Variants in NTRK2 observed in about 807,000 individuals in gnomAD.
NTRK2 encodes the protein BDNF/NT-3 growth factors receptor.
A neutral mutation model predicts 94.5 loss-of-function variants in NTRK2; 13 were observed. The observed-to-expected ratio is 0.14, with a 90% CI of 0.09 to 0.22. NTRK2 has a LOEUF of 0.22. NTRK2 is among the 10% of genes least tolerant of loss of function. NTRK2 has a pLI of 1.00. For synonymous variants in NTRK2, 372 were observed against 407.4 expected, an observed-to-expected ratio of 0.91 and a Z score of 1.05; for missense variants, 639 against 1,071.2, an observed-to-expected ratio of 0.60 and a Z score of 5.63.
At chr9:84,776,562 G>A (rs1482155850) in intron 12 of NTRK2, among the ~76,000 whole-genome samples, 1 of 152,174 alleles carries the variant, frequency 6.6e-6, no homozygotes, top group Non-Finnish European at 1.5e-5. Context: ...AAATGTCTAA[G>A]ATCTTACCCT....
chr9:84,754,254 C>T (rs1489444102), intron 12 of NTRK2, among the ~76,000 whole-genome samples: 1 of 152,102 alleles, frequency 6.6e-6, no homozygotes, highest in Non-Finnish European at 1.5e-5. Flanking sequence ...TTTGTTCCCT[C>T]ATTCCTACAC....
chr9:84,677,549 A>G (rs2059134694), intron 2 of NTRK2, among the ~76,000 whole-genome samples: 1 of 152,122 alleles, frequency 6.6e-6, no homozygotes, highest in Non-Finnish European at 1.5e-5. Flanking sequence ...CTCACTCTGA[A>G]GAAGGTGGGG....
intron 14 of NTRK2, among the ~76,000 whole-genome samples, chr9:84,897,894 C>T (rs939140226): frequency 2.0e-5 from 3 of 152,094 alleles, no homozygotes; most frequent in African/African-American, 7.2e-5. Context: ...TCTATAAAAC[C>T]AAGGGTCATT....
At chr9:84,873,372 AT>A in intron 14 of NTRK2, 1 of 1,058,882 alleles carries the variant, frequency 9.4e-7, no homozygotes, top group Non-Finnish European at 1.1e-6. Flanking sequence ...GAATGCACTT[AT>A]TTTAGGATCC....
At chr9:84,954,282 T>C (rs186517072) in intron 16 of NTRK2, among the ~76,000 whole-genome samples, 1 of 152,266 alleles carries the variant, frequency 6.6e-6, no homozygotes, top group East Asian at 1.9e-4. Flanking sequence ...CCAGGGGCAA[T>C]GACGCTCATC....
intron 12 of NTRK2, among the ~76,000 whole-genome samples, chr9:84,774,932 G>C (rs1337981710): frequency 6.6e-6 from 1 of 152,202 alleles, no homozygotes; most frequent in Non-Finnish European, 1.5e-5. Context: ...AAAGACAGTG[G>C]TGGAAGGAAA....
At chr9:84,974,386 G>A (rs1826550448) in intron 17 of NTRK2, among the ~76,000 whole-genome samples, 1 of 152,076 alleles carries the variant, frequency 6.6e-6, no homozygotes, top group African/African-American at 2.4e-5. Flanking sequence ...TGTGCTACTT[G>A]GTGGTGTGCA....
intron 15 of NTRK2, among the ~76,000 whole-genome samples, chr9:84,945,647 T>A (rs1045705662): frequency 6.6e-6 from 1 of 152,180 alleles, no homozygotes; most frequent in African/African-American, 2.4e-5. Flanking sequence ...TAAATCTGGG[T>A]GGCACAGGGG....
At chr9:84,691,522 T>C (rs2131550521) in intron 2 of NTRK2, among the ~76,000 whole-genome samples, 1 of 152,258 alleles carries the variant, frequency 6.6e-6, no homozygotes, top group African/African-American at 2.4e-5. Context: ...CTGTTGCTGG[T>C]TAAGGCCAGA....
At chr9:84,808,829 T>C (rs906297043) in intron 12 of NTRK2, among the ~76,000 whole-genome samples, 6 of 152,214 alleles carry the variant, frequency 3.9e-5, no homozygotes, top group Non-Finnish European at 8.8e-5. Flanking sequence ...TTTAGCATTG[T>C]TGTAAATGAT....
chr9:84,840,456 T>C (rs576925917), intron 12 of NTRK2, among the ~76,000 whole-genome samples: 14 of 151,980 alleles, frequency 9.2e-5, no homozygotes, highest in African/African-American at 3.1e-4. Flanking sequence ...GGCTCTGCCT[T>C]CTCTCCTGAT....
intron 14 of NTRK2, among the ~76,000 whole-genome samples, chr9:84,924,228 G>GAAAGAAAGAAAGAAAGAAAGA (rs1564468564): frequency 1.5e-4 from 14 of 92,426 alleles, no homozygotes; most frequent in African/African-American, 5.4e-4. Context: ...AAGAAAGAAA[G>GAAAGAAAGAAAGAAAGAAAGA]TAGAAAGAAA....
At chr9:84,811,906 C>T in intron 12 of NTRK2, 3 of 1,050,342 alleles carry the variant, frequency 2.9e-6, no homozygotes, top group Non-Finnish European at 3.5e-6. Flanking sequence ...TTTGGCTATC[C>T]CCACCCCACC....
intron 14 of NTRK2, among the ~76,000 whole-genome samples, chr9:84,930,398 C>T (rs760943195): frequency 3.3e-5 from 5 of 151,974 alleles, no homozygotes; most frequent in Non-Finnish European, 7.4e-5. Flanking sequence ...GAGGAGCAAC[C>T]GAGATGTCAG....
At chr9:84,998,632 T>C (rs1442290162) in intron 17 of NTRK2, among the ~76,000 whole-genome samples, 1 of 152,182 alleles carries the variant, frequency 6.6e-6, no homozygotes, top group African/African-American at 2.4e-5. Context: ...CTCACTCTCC[T>C]TATCCCTCAT....
chr9:84,988,600 A>T (rs1179763941), intron 17 of NTRK2, among the ~76,000 whole-genome samples: 2 of 152,218 alleles, frequency 1.3e-5, no homozygotes, highest in African/African-American at 4.8e-5. Flanking sequence ...GAGGGAAATC[A>T]GCTCTACAGC....
chr9:84,979,914 T>C (rs144067981), intron 17 of NTRK2, among the ~76,000 whole-genome samples: 141 of 152,338 alleles, frequency 9.3e-4, no homozygotes, highest in African/African-American at 3.2e-3. Flanking sequence ...ATAAAGTGTT[T>C]TAAAATTAAG....
chr9:84,724,773 A>G (rs1335732445), intron 8 of NTRK2, among the ~76,000 whole-genome samples: 7 of 152,240 alleles, frequency 4.6e-5, no homozygotes, highest in Non-Finnish European at 7.3e-5. Flanking sequence ...ACAAATGCCT[A>G]ATTGTACTGT....
intron 14 of NTRK2, chr9:84,872,983 A>G: frequency 9.4e-7 from 1 of 1,064,474 alleles, no homozygotes; most frequent in Non-Finnish European, 1.1e-6. Flanking sequence ...GGTTTTGAAC[A>G]TATTTGCAAC....
Sources: allele counts gnomAD v4.1 joint callset (sites outside exome capture counted in the v4.1 genomes callset), GRCh38; gene constraint gnomAD v4.1.1; transcripts MANE v1.5; gene names NCBI Gene and HGNC (gene_info 2026-07-23, HGNC 2026-07-21).